The following ZFP36L2 variants were observed in gnomAD, a reference collection of about 807,000 sequenced individuals.
ZFP36L2 encodes ZFP36 like 2 zinc finger CCCH-type.
ZFP36L2 carries 16 observed loss-of-function variants against 27.9 expected under a neutral mutation model. That is an observed-to-expected ratio of 0.57 (90% confidence interval 0.39 to 0.87). The LOEUF (loss-of-function observed/expected upper bound fraction) is 0.87, where lower values mean the gene tolerates loss of function less well. Among genes scored for constraint, ZFP36L2 ranks in the 40% least tolerant of loss-of-function variants. The pLI, the probability that ZFP36L2 is intolerant of heterozygous loss-of-function variation, is 0.00. For missense variants in ZFP36L2, 989 were observed against 726.9 expected (o/e 1.36, Z -4.15); for synonymous variants, 600 against 363.8 (o/e 1.65, Z -7.39).
In ZFP36L2 at chr2:43,226,565, C is replaced by T. The variant is rs1373484858; in HGVS notation, c.-250G>A. Reference sequence around the variant, plus strand: ...CGCGCCCCGGGGTGCCCGGCCCGCCCCCCCCGCGGAGCCGACGGCAGCTCG... The same window carrying T: ...CGCGCCCCGGGGTGCCCGGCCCGCCTCCCCCGCGGAGCCGACGGCAGCTCG... On this transcript the variant is annotated 5_prime_UTR_variant, in exon 1 of 2. Transcript: ENST00000282388. 4.0e-6 allele frequency: 2 copies of T among 504,188 alleles called. No homozygotes were observed. The highest frequency in any genetic ancestry group is 6.9e-6 in the Non-Finnish European group (2 of 289,398). 31.2% of individuals were successfully genotyped at this position (504,188 alleles called of 1,614,324 possible).
chr2:43,225,771 C>A lies in ZFP36L2; in HGVS notation c.52-19G>T, dbSNP rs199612878. On this transcript the variant is annotated intron_variant, in intron 1 of 1. Transcript: ENST00000282388. ...TCTCTGTCTGCCAAAGGGAGGGGAG[C>A]GGGGAAGGGATGAAAAACGGAAGGG... 4.3e-5 allele frequency: 67 copies of A among 1,574,334 alleles called. No individual in the cohort carries two copies. In the Admixed American group the frequency reaches 8.0e-4, roughly 19 times the overall value.
In ZFP36L2 at chr2:43,224,582, GC is replaced by G; in HGVS notation, c.1221del (p.Gln408SerfsTer53). The part of the protein sequence containing the change: ...QQQQQGLAPP[A>X]QPPAPPSATL... ...GTCGCGCTGGGCGGCGCCGGCGGCT[GC>G]GCGGGGGGCGCCAGGCCCTGCTGCT... On this transcript the variant is annotated frameshift_variant, in exon 2 of 2. Transcript: ENST00000282388. LOFTEE classifies it high-confidence loss of function. The G allele has an allele frequency of 7.5e-7, 1 of 1,338,426 alleles. No individual in the cohort carries two copies. 82.9% of individuals were successfully genotyped at this position (1,338,426 alleles called of 1,614,324 possible). A position where few individuals can be genotyped will look rare whatever the true frequency, so the allele number is the denominator to read the frequency against.
In ZFP36L2 at chr2:43,225,678, G is replaced by A; in HGVS notation, c.126C>T (p.Ala42=). The A allele has an allele frequency of 6.3e-7, 1 of 1,591,994 alleles. No individual in the cohort carries two copies. The highest frequency in any genetic ancestry group is 1.3e-5 in the African/African-American group (1 of 74,134). ...CCGGCGCGAAGCCCGAGCTGGGGGC[G>A]GCGGCCACAGGCGTCCCCACCGCCT... ...DKKAVGTPVA[A]APSSGFAPGF... Residue 42 remains alanine, a synonymous_variant, in exon 2 of 2, where the codon GCC becomes GCT. Transcript: ENST00000282388.
Position 43,226,543 on chromosome 2 carries a change from GC to G in ZFP36L2, c.-229del. ...AGAGAAGCGAGGAGCGCTCCTCCGC[GC>G]CCCGGGGTGCCCGGCCCGCCCCCCC... On this transcript the variant is annotated 5_prime_UTR_variant, in exon 1 of 2. Transcript: ENST00000282388. The G allele has an allele frequency of 1.9e-6, 1 of 522,962 alleles. No homozygotes were observed. Among genetic ancestry groups the G allele is most frequent in the Admixed American group, 4.3e-5 (1 of 23,236 alleles). The allele number at this position is 522,962 out of a possible 1,614,324, so 32.4% of individuals were successfully genotyped here.
chr2:43,225,380 T>G lies in ZFP36L2; in HGVS notation c.424A>C (p.Lys142Gln). The G allele has an allele frequency of 6.2e-7, 1 of 1,613,344 alleles. No homozygotes were observed. Among genetic ancestry groups the G allele is most frequent in the Non-Finnish European group, 8.5e-7 (1 of 1,179,892 alleles). Residue 142 changes from lysine (K) to glutamine (Q), a missense_variant, in exon 2 of 2, where the codon AAG (lysine) becomes CAG (glutamine). By Grantham distance (53) the Lys-to-Gln change is moderately conservative. Transcript: ENST00000282388. ...TTGATCTGGGAGCCGCCGCCCCCCT[T>G]CTGCTGCTGCTGCAGGTGCAGGAGG... The part of the protein sequence containing the change: ...QHLLHLQQQQ[K>Q]GGGGSQINST...
chr2:43,225,123 C>A lies in ZFP36L2; in HGVS notation c.681G>T (p.Gly227=). The A allele has an allele frequency of 6.3e-7, 1 of 1,594,584 alleles. No homozygotes were observed. The highest frequency in any genetic ancestry group is 8.5e-7 in the Non-Finnish European group (1 of 1,177,876). The change falls in exon 2 of 2, where the codon GGG becomes GGT. Residue 227 remains glycine (G), a synonymous_variant. Coordinates refer to ENST00000282388, the MANE Select transcript of ZFP36L2 (RefSeq NM_006887.5). ...NADERRPAPS[G]GASGDLRAFG... is the part of the protein sequence containing the mutation. ...AGGCACGCAGGTCCCCGGAGGCGCC[C>A]CCCGACGGCGCGGGCCGCCGCTCGT...
rs1369322130 is a variant in ZFP36L2 at position 43,225,652 on chromosome 2, C to T, written c.152G>A (p.Gly51Glu). The change falls in exon 2 of 2, where the codon GGA (glycine) becomes GAA (glutamate). Residue 51 changes from glycine (G) to glutamate (E), a missense_variant. Physicochemically the swap from Gly to Glu is moderately conservative, Grantham distance 98. Coordinates refer to ENST00000282388, the MANE Select transcript of ZFP36L2 (RefSeq NM_006887.5). ...AAAPSSGFAP[G>E]FLRRHSASNL... ...GCTGGCCGAGTGCCGTCGGAGGAAT[C>T]CCGGCGCGAAGCCCGAGCTGGGGGC... is the stretch of plus-strand genomic sequence containing the variant. The T allele has an allele frequency of 2.5e-6, 4 of 1,582,942 alleles. No individual in the cohort carries two copies. Among genetic ancestry groups the T allele is most frequent in the Admixed American group, 1.7e-5 (1 of 57,582 alleles).
chr2:43,225,741 G>C lies in ZFP36L2; in HGVS notation c.63C>G (p.Ser21=), dbSNP rs1250681280. The C allele has an allele frequency of 1.3e-6, 2 of 1,592,038 alleles. No individual in the cohort carries two copies. The highest frequency in any genetic ancestry group is 8.5e-7 in the Non-Finnish European group (1 of 1,177,296). The change falls in exon 2 of 2, where the codon TCC becomes TCG. Residue 21 remains serine, a synonymous_variant. Coordinates refer to ENST00000282388, the MANE Select transcript of ZFP36L2 (RefSeq NM_006887.5). ...DVDFLCKTEK[S]LANLNLNNML... ...TGTTGTTCAGGTTGAGGTTGGCCAG[G>C]GATTTCTCTGTCTGCCAAAGGGAGG... is the stretch of plus-strand genomic sequence containing the variant.
In ZFP36L2 at chr2:43,225,745, TTC is replaced by T. The variant is rs1277102390; in HGVS notation, c.57_58del (p.Lys20IlefsTer63). On this transcript the variant is annotated frameshift_variant, in exon 2 of 2. Transcript: ENST00000282388. LOFTEE classifies it high-confidence loss of function. ...GTTCAGGTTGAGGTTGGCCAGGGAT[TTC>T]TCTGTCTGCCAAAGGGAGGGGAGCG... The T allele has an allele frequency of 3.8e-6, 6 of 1,591,100 alleles. No individual in the cohort carries two copies. Among genetic ancestry groups the T allele is most frequent in the Non-Finnish European group, 4.2e-6 (5 of 1,176,876 alleles).
In ZFP36L2 at chr2:43,225,378, C is replaced by A; in HGVS notation, c.426G>T (p.Lys142Asn). The A allele has an allele frequency of 2.5e-6, 4 of 1,613,700 alleles. No homozygotes were observed. Among genetic ancestry groups the A allele is most frequent in the South Asian group, 1.1e-5 (1 of 91,076 alleles). ...QHLLHLQQQQ[K>N]GGGGSQINST... ...AGTTGATCTGGGAGCCGCCGCCCCC[C>A]TTCTGCTGCTGCTGCAGGTGCAGGA... is the stretch of plus-strand genomic sequence containing the variant. Residue 142 changes from lysine to asparagine, a missense_variant, in exon 2 of 2, where the codon AAG (lysine) becomes AAT (asparagine). Transcript: ENST00000282388.
At position 43,225,273 on chromosome 2, in the gene ZFP36L2, C is replaced by G; in HGVS notation, c.531G>C (p.Ala177=). The G allele has an allele frequency of 6.2e-7, 1 of 1,611,504 alleles. No homozygotes were observed. Among genetic ancestry groups the G allele is most frequent in the Non-Finnish European group, 8.5e-7 (1 of 1,179,966 alleles). ...TCKYGEKCQF[A]HGFHELRSLT... ...GGCTGCGCAGCTCGTGGAAGCCATG[C>G]GCGAACTGGCACTTTTCGCCGTACT... Residue 177 remains alanine (A), a synonymous_variant, in exon 2 of 2, where the codon GCG becomes GCC. Coordinates refer to ENST00000282388, the MANE Select transcript of ZFP36L2 (RefSeq NM_006887.5).
Position 43,224,327 on chromosome 2 carries a change from C to T in ZFP36L2, c.1477G>A (p.Asp493Asn), listed in dbSNP as rs1284664417. 6.3e-7 allele frequency: 1 copy of T among 1,576,548 alleles called. No homozygotes were observed. The highest frequency in any genetic ancestry group is 2.2e-4 in the Middle Eastern group (1 of 4,470). Residue 493 changes from aspartate to asparagine, a missense_variant, in exon 2 of 2, where the codon GAC (aspartate) becomes AAC (asparagine). Transcript: ENST00000282388. ...LPIFSRLSIS[D>N]D ...ACTGGCGCCCTCTTGCCTCAGTCGT[C>T]GGAGATGGAGAGGCGGCTGAAGATT...
At position 43,222,497 on chromosome 2, in the gene ZFP36L2, AAT is replaced by A. The variant is rs750022299; in HGVS notation, c.*1820_*1821del. ...AATTTGTAGTGAGCTGATTCCCCAA[AAT>A]ATATTACAACTCAAGTTGACTTATC... On this transcript the variant is annotated 3_prime_UTR_variant, in exon 2 of 2. Transcript: ENST00000282388. The A allele has an allele frequency of 3.9e-5, 6 of 152,378 alleles. No individual in the cohort carries two copies. Among genetic ancestry groups the A allele is most frequent in the Non-Finnish European group, 8.8e-5 (6 of 68,040 alleles). The allele number at this position is 152,378 out of a possible 1,614,324, so 9.4% of individuals were successfully genotyped here.
At position 43,225,559 on chromosome 2, in the gene ZFP36L2, G is replaced by C; in HGVS notation, c.245C>G (p.Ala82Gly). The C allele has an allele frequency of 1.3e-6, 2 of 1,572,792 alleles. No individual in the cohort carries two copies. The highest frequency in any genetic ancestry group is 1.7e-6 in the Non-Finnish European group (2 of 1,163,996). ...CGCGCTGCCGCAGCTGCTGCCGTTA[G>C]CGGCGCCCGGGAACTTGGGCGAGCA... Reference protein sequence around the residue: ...GSCSPKFPGAANGSSCGSAAA... With the variant: ...GSCSPKFPGAGNGSSCGSAAA... The change falls in exon 2 of 2, where the codon GCT becomes GGT. Residue 82 changes from alanine (A) to glycine (G), a missense_variant. Physicochemically the swap from Ala to Gly is moderately conservative, Grantham distance 60. Transcript: ENST00000282388.
Position 43,226,300 on chromosome 2 carries a change from G to T in ZFP36L2, c.16C>A (p.Leu6Met), listed in dbSNP as rs753420770. The change falls in exon 1 of 2, where the codon CTG becomes ATG. Residue 6 changes from leucine (L) to methionine (M), a missense_variant. Coordinates refer to ENST00000282388, the MANE Select transcript of ZFP36L2 (RefSeq NM_006887.5). MSTTL[L>M]SAFYDVDFLC... ...AAGTCGACATCGTAGAAGGCGGACA[G>T]AAGTGTGGTCGACATGTTTCTGGAT... 1.9e-6 allele frequency: 3 copies of T among 1,588,436 alleles called. No homozygotes were observed. The highest frequency in any genetic ancestry group is 1.7e-6 in the Non-Finnish European group (2 of 1,166,506).
chr2:43,225,222 G>T lies in ZFP36L2; in HGVS notation c.582C>A (p.Thr194=). Residue 194 remains threonine, a synonymous_variant, in exon 2 of 2, where the codon ACC becomes ACA. Coordinates refer to ENST00000282388, the MANE Select transcript of ZFP36L2 (RefSeq NM_006887.5). ...RSLTRHPKYK[T]ELCRTFHTIG... ...TGGTATGAAAGGTGCGGCACAGCTC[G>T]GTCTTGTACTTCGGATGGCGAGTCA... is the stretch of plus-strand genomic sequence containing the variant. 3 of 1,606,714 alleles carry T rather than the reference G, an allele frequency of 1.9e-6. No homozygotes were observed. The highest frequency in any genetic ancestry group is 2.5e-6 in the Non-Finnish European group (3 of 1,179,904).
rs753008181 is a variant in ZFP36L2 at position 43,224,634 on chromosome 2, G to A, written c.1170C>T (p.Ala390=). 4 of 1,486,004 alleles carry A rather than the reference G, an allele frequency of 2.7e-6. No homozygotes were observed. The highest frequency in any genetic ancestry group is 1.3e-5 in the South Asian group (1 of 77,624). 92.1% of individuals were successfully genotyped at this position (1,486,004 alleles called of 1,614,324 possible). A position where few individuals can be genotyped will look rare whatever the true frequency, so the allele number is the denominator to read the frequency against. ...THNFAAVAAA[A]YYRSQQQQQQ... ...GCTGCTGCTGCTGACTGCGGTAGTA[G>A]GCGGCGGCGGCCACGGCGGCAAAGT... Residue 390 remains alanine (A), a synonymous_variant, in exon 2 of 2, where the codon GCC becomes GCT. Coordinates refer to ENST00000282388, the MANE Select transcript of ZFP36L2 (RefSeq NM_006887.5).
At position 43,225,321 on chromosome 2, in the gene ZFP36L2, G is replaced by A. The variant is rs745909871; in HGVS notation, c.483C>T (p.Pro161=). The A allele has an allele frequency of 6.2e-7, 1 of 1,613,116 alleles. No individual in the cohort carries two copies. Among genetic ancestry groups the A allele is most frequent in the African/African-American group, 1.3e-5 (1 of 74,934 alleles). ...STRYKTELCR[P]FEESGTCKYG... ...ACTTGCACGTGCCGCTCTCCTCGAA[G>A]GGCCGGCACAGCTCGGTCTTGTAGC... The change falls in exon 2 of 2, where the codon CCC becomes CCT. Residue 161 remains proline (P), a synonymous_variant. Coordinates refer to ENST00000282388, the MANE Select transcript of ZFP36L2 (RefSeq NM_006887.5).
At position 43,224,268 on chromosome 2, in the gene ZFP36L2, T is replaced by A; in HGVS notation, c.*51A>T. On this transcript the variant is annotated 3_prime_UTR_variant, in exon 2 of 2. Coordinates refer to ENST00000282388, the MANE Select transcript of ZFP36L2 (RefSeq NM_006887.5). ...AAGGGCGAGATGGCGAGGGGTGTCCTCCAACATCTCTGAACCGCCTTCCCT... is the reference window on the plus strand; with the variant it reads ...AAGGGCGAGATGGCGAGGGGTGTCCACCAACATCTCTGAACCGCCTTCCCT... 6.8e-7 allele frequency: 1 copy of A among 1,474,270 alleles called. No homozygotes were observed. Among genetic ancestry groups the A allele is most frequent in the South Asian group, 1.3e-5 (1 of 77,604 alleles). The allele number at this position is 1,474,270 out of a possible 1,614,324, so 91.3% of individuals were successfully genotyped here. A position where few individuals can be genotyped will look rare whatever the true frequency, so the allele number is the denominator to read the frequency against.
Sources: gnomAD v4.1 joint callset for allele counts on GRCh38, gnomAD v4.1.1 for gene constraint, MANE v1.5 for transcripts, NCBI Gene and HGNC (gene_info 2026-07-23, HGNC 2026-07-21) for gene names.